Variants in SFMBT2 observed in about 807,000 individuals in gnomAD.
SFMBT2 encodes scm-like with four MBT domains protein 2.
A neutral mutation model predicts 110.1 loss-of-function variants in SFMBT2; 38 were observed. The ratio of observed to expected loss-of-function variants is 0.35; its 90% CI spans 0.27 to 0.45. The LOEUF (loss-of-function observed/expected upper bound fraction) is 0.45. SFMBT2 is among the 20% of genes least tolerant of loss of function. SFMBT2 has a pLI of 1.00. For missense variants in SFMBT2, 1,011 were observed against 1,094.9 expected (o/e 0.92, Z 1.08); for synonymous variants, 425 against 425.4 (o/e 1.00, Z 0.01).
chr10:7,356,949 T>C (rs1198887693), intron 4 of SFMBT2, among the ~76,000 whole-genome samples: 3 of 152,288 alleles, frequency 2.0e-5, no homozygotes, highest in Admixed American at 1.3e-4. Flanking sequence ...GTATTGGTTT[T>C]CAAGAGACTC....
chr10:7,395,292 A>AG (rs1258411799), intron 1 of SFMBT2, among the ~76,000 whole-genome samples: 1 of 146,990 alleles, frequency 6.8e-6, no homozygotes, highest in Non-Finnish European at 1.5e-5. Context: ...GGAAAAAAAA[A>AG]GAATTCTACG....
At chr10:7,294,501 A>C (rs1328062481) in intron 4 of SFMBT2, among the ~76,000 whole-genome samples, 1 of 152,208 alleles carries the variant, frequency 6.6e-6, no homozygotes, top group African/African-American at 2.4e-5. Context: ...AGAAGGAAGG[A>C]ATAATCAATC....
intron 6 of SFMBT2, among the ~76,000 whole-genome samples, chr10:7,282,131 G>C (rs889162125): frequency 1.3e-5 from 2 of 152,110 alleles, no homozygotes; most frequent in Non-Finnish European, 2.9e-5. Context: ...GGGCCCCCAA[G>C]AAGTCTTCAG....
chr10:7,380,813 G>T (rs939072092), intron 2 of SFMBT2, among the ~76,000 whole-genome samples: 1 of 152,116 alleles, frequency 6.6e-6, no homozygotes, highest in Non-Finnish European at 1.5e-5. Context: ...ACTTTGGGAG[G>T]CTAAGGCAGG....
At chr10:7,237,046 A>G (rs893997891) in intron 9 of SFMBT2, among the ~76,000 whole-genome samples, 6 of 152,228 alleles carry the variant, frequency 3.9e-5, no homozygotes, top group Admixed American at 3.9e-4. Context: ...CAGAGGGGCC[A>G]TGCTTAATCC....
intron 9 of SFMBT2, chr10:7,228,375 TTA>T (rs1491507626): frequency 2.9e-6 from 2 of 698,354 alleles, no homozygotes; most frequent in East Asian, 2.5e-4. Flanking sequence ...AAATAAAAAA[TTA>T]AAAAAAAAAA....
chr10:7,271,583 G>A (rs1256106012), intron 7 of SFMBT2, among the ~76,000 whole-genome samples: 1 of 152,140 alleles, frequency 6.6e-6, no homozygotes, highest in African/African-American at 2.4e-5. Context: ...AGGGGTCCAG[G>A]GAAGGATTCC....
At chr10:7,238,525 G>A (rs1002579903) in intron 9 of SFMBT2, among the ~76,000 whole-genome samples, 1 of 152,144 alleles carries the variant, frequency 6.6e-6, no homozygotes, top group African/African-American at 2.4e-5. Flanking sequence ...GTCAGTGTCT[G>A]AGGTTTTTCT....
intron 4 of SFMBT2, among the ~76,000 whole-genome samples, chr10:7,291,978 C>T (rs1468927049): frequency 6.6e-6 from 1 of 152,196 alleles, no homozygotes; most frequent in Non-Finnish European, 1.5e-5. Context: ...GCAGCCCCCA[C>T]ACTAATTTAG....
intron 4 of SFMBT2, among the ~76,000 whole-genome samples, chr10:7,304,557 T>C (rs1842641718): frequency 1.3e-5 from 2 of 152,196 alleles, no homozygotes; most frequent in African/African-American, 4.8e-5. Flanking sequence ...CTTTAACAAA[T>C]CAGTGTCAGA....
At chr10:7,235,433 A>G (rs1840223546) in intron 9 of SFMBT2, among the ~76,000 whole-genome samples, 1 of 152,142 alleles carries the variant, frequency 6.6e-6, no homozygotes, top group African/African-American at 2.4e-5. Context: ...AAAATGCCTT[A>G]TCAGGAAAAA....
rs1564359585 is a variant in SFMBT2, at chr10:7,161,507, G to A, written c.*2263C>T. The A allele has an allele frequency of 1.3e-5, 2 of 152,220 alleles. No individual in the cohort carries two copies. The allele number at this position is 152,220 out of a possible 1,614,324, so 9.4% of individuals were successfully genotyped here. A position where few individuals can be genotyped will look rare whatever the true frequency, so the allele number is the denominator to read the frequency against. On this transcript the variant is annotated 3_prime_UTR_variant, in exon 21 of 21. Transcript: ENST00000397167. ...CAAGACTGAGCGTTTAAGGCCAAAAGCATGTGGCTGAGAAGGCAGGGGTGG... is the reference window on the plus strand; with the variant it reads ...CAAGACTGAGCGTTTAAGGCCAAAAACATGTGGCTGAGAAGGCAGGGGTGG...
chr10:7,206,027 C>A, intron 11 of SFMBT2, 99 bp from the exon 12 acceptor site: 1 of 1,506,730 alleles, frequency 6.6e-7, no homozygotes, highest in Non-Finnish European at 8.9e-7. Context: ...TGGGGAAAAA[C>A]ATTCCTTTAT....
Position 7,171,196 on chromosome 10 carries a change from GCA to G in SFMBT2, c.2416-142_2416-141del, listed in dbSNP as rs1227770366. Reference sequence around the variant, plus strand: ...CCCTCACTGGGCACCTGAAAAAGCTGCACACACTCTCAGTCCCTGAGAAAGTT... The same window carrying G: ...CCCTCACTGGGCACCTGAAAAAGCTGCACACTCTCAGTCCCTGAGAAAGTT... On this transcript the variant is annotated intron_variant, in intron 19 of 20. Transcript: ENST00000397167. The surrounding 1 kb of genome is among the most constrained non-coding windows in gnomAD (Gnocchi z 4.9). 6.9e-7 allele frequency: 1 copy of G among 1,441,336 alleles called. No homozygotes were observed. Among genetic ancestry groups the G allele is most frequent in the East Asian group, 2.3e-5 (1 of 43,062 alleles). The allele number at this position is 1,441,336 out of a possible 1,614,324, so 89.3% of individuals were successfully genotyped here. A position where few individuals can be genotyped will look rare whatever the true frequency, so the allele number is the denominator to read the frequency against.
intron 17 of SFMBT2, among the ~76,000 whole-genome samples, chr10:7,173,360 C>G (rs1837948862): frequency 6.6e-6 from 1 of 152,220 alleles, no homozygotes; most frequent in African/African-American, 2.4e-5. Flanking sequence ...TCAGCAAGCA[C>G]TGGGTGAACA....
intron 11 of SFMBT2, among the ~76,000 whole-genome samples, chr10:7,216,402 T>A (rs994611646): frequency 3.3e-5 from 5 of 152,222 alleles, no homozygotes; most frequent in Admixed American, 3.3e-4. Context: ...TTTCCCTTTT[T>A]GCTTGGCCTC....
chr10:7,325,025 T>A (rs1843335912), intron 4 of SFMBT2, among the ~76,000 whole-genome samples: 1 of 134,434 alleles, frequency 7.4e-6, no homozygotes, highest in South Asian at 2.4e-4. Context: ...TGGAGTGCAA[T>A]GGCACGATCT....
At chr10:7,352,346 A>G (rs1049565226) in intron 4 of SFMBT2, among the ~76,000 whole-genome samples, 1 of 152,190 alleles carries the variant, frequency 6.6e-6, no homozygotes, top group Non-Finnish European at 1.5e-5. Flanking sequence ...ATTTTGAGAC[A>G]GGGTCTCACT....
At chr10:7,221,953 G>A (rs1839755751) in intron 10 of SFMBT2, among the ~76,000 whole-genome samples, 1 of 152,082 alleles carries the variant, frequency 6.6e-6, no homozygotes. Context: ...TCAGTTCCTG[G>A]CAACCACCAA....
Sources: gnomAD v4.1 joint callset for allele counts (sites outside exome capture counted in the v4.1 genomes callset) on GRCh38, gnomAD v4.1.1 for gene constraint, Gnocchi (gnomAD v3.1) non-coding constraint, MANE v1.5 for transcripts, NCBI Gene and HGNC (gene_info 2026-07-23, HGNC 2026-07-21) for gene names.